Variants in IMPG1 observed in about 807,000 individuals in gnomAD.
IMPG1 encodes interphotoreceptor matrix proteoglycan of 150 kDa.
Under a neutral mutation model 92.0 loss-of-function variants are expected in IMPG1, and 85 were observed. The ratio of observed to expected loss-of-function variants is 0.92; its 90% CI spans 0.78 to 1.11. The LOEUF (loss-of-function observed/expected upper bound fraction) is 1.11. Ranked by LOEUF, IMPG1 falls within the 50% of genes least tolerant of loss-of-function variation. The probability of loss-of-function intolerance (pLI) is 0.00; values close to 1 mark genes in which losing one functional copy is unlikely to be tolerated. For synonymous variants in IMPG1, 367 were observed against 334.1 expected, an observed-to-expected ratio of 1.10 and a Z score of -1.08; for missense variants, 1,022 against 956.0, an observed-to-expected ratio of 1.07 and a Z score of -0.91.
At chr6:76,042,574 C>T (rs1041690380) in intron 1 of IMPG1, among the ~76,000 whole-genome samples, 1 of 152,170 alleles carries the variant, frequency 6.6e-6, no homozygotes, top group African/African-American at 2.4e-5. Context: ...ACAAAATAAC[C>T]TTCCTGCCTA....
At chr6:75,977,340 C>A (rs1202810970) in intron 12 of IMPG1, among the ~76,000 whole-genome samples, 1 of 152,130 alleles carries the variant, frequency 6.6e-6, no homozygotes, top group Non-Finnish European at 1.5e-5. Flanking sequence ...GTAATCCCAG[C>A]ACTTTAGGAG....
intron 14 of IMPG1, among the ~76,000 whole-genome samples, chr6:75,942,639 G>A (rs928452321): frequency 6.6e-6 from 1 of 152,086 alleles, no homozygotes; most frequent in African/African-American, 2.4e-5. Context: ...GTTGTACTAG[G>A]GACATTTTAA....
chr6:75,950,916 G>T lies in IMPG1; in HGVS notation c.1470C>A (p.Ser490Arg). 1 of 1,613,948 alleles carries T rather than the reference G, an allele frequency of 6.2e-7. No individual in the cohort carries two copies. The highest frequency in any genetic ancestry group is 8.5e-7 in the Non-Finnish European group (1 of 1,179,936). Reference protein sequence around the residue: ...TIPTSDYSAISQLALGISHPP... With the variant: ...TIPTSDYSAIRQLALGISHPP... ...GATGTGAAATTCCCAGAGCCAGTTG[G>T]CTGATTGCAGAATAATCACTGGTGG... Residue 490 changes from serine (S) to arginine (R), a missense_variant, in exon 13 of 17, where the codon AGC becomes AGA. Ser to Arg is a moderately radical substitution (Grantham distance 110). Transcript: ENST00000369950.
intron 12 of IMPG1, among the ~76,000 whole-genome samples, chr6:75,977,316 G>A (rs921344310): frequency 6.6e-6 from 1 of 152,088 alleles, no homozygotes; most frequent in Non-Finnish European, 1.5e-5. Flanking sequence ...CGCCAGGCGC[G>A]GTGGCTCACG....
At chr6:75,970,611 C>A (rs1782396127) in intron 12 of IMPG1, among the ~76,000 whole-genome samples, 1 of 152,154 alleles carries the variant, frequency 6.6e-6, no homozygotes, top group African/African-American at 2.4e-5. Context: ...TGGAAAAGAG[C>A]CCATTCATGT....
intron 12 of IMPG1, among the ~76,000 whole-genome samples, chr6:75,985,910 C>T (rs918283960): frequency 6.6e-6 from 1 of 152,166 alleles, no homozygotes; most frequent in Non-Finnish European, 1.5e-5. Flanking sequence ...TATATGAAGT[C>T]TCACATTGCC....
chr6:75,973,142 T>G (rs1782450558), intron 12 of IMPG1, among the ~76,000 whole-genome samples: 1 of 150,748 alleles, frequency 6.6e-6, no homozygotes, highest in Non-Finnish European at 1.5e-5. Context: ...CATGCCTGGC[T>G]AATTTTAAAA....
intron 13 of IMPG1, among the ~76,000 whole-genome samples, chr6:75,947,747 G>T (rs9360964): frequency 0.14 from 21,551 of 151,850 alleles, 1,671 homozygotes; most frequent in South Asian, 0.21. Context: ...TTCTATCTGT[G>T]TATTGAGATG....
chr6:76,032,715 C>G (rs1194963831), intron 4 of IMPG1, among the ~76,000 whole-genome samples: 1 of 152,118 alleles, frequency 6.6e-6, no homozygotes, highest in East Asian at 1.9e-4. Context: ...GGGATTCCAC[C>G]TGGAGCTTCA....
intron 1 of IMPG1, among the ~76,000 whole-genome samples, chr6:76,043,360 T>C (rs1783876905): frequency 6.6e-6 from 1 of 152,176 alleles, no homozygotes; most frequent in Non-Finnish European, 1.5e-5. Context: ...CCAAGCAGGA[T>C]AGCTGAAGAG....
rs1263787839 is a variant in IMPG1 at position 75,957,410 on chromosome 6, AG to A, written c.1292-6317del. Among the ~76,000 whole-genome samples, 5 of 152,202 alleles carry A rather than the reference AG, an allele frequency of 3.3e-5. No individual in the cohort carries two copies. The East Asian group carries it at 5.8e-4, about 18-fold the overall frequency. On this transcript the variant is annotated intron_variant, in intron 12 of 16. Coordinates refer to ENST00000369950, the MANE Select transcript of IMPG1 (RefSeq NM_001563.4). ...GTTGACTTGGGGTGGAGAGTTCTGTAGATGTCTATTAGGTCCGCTTGACCCA... is the reference window on the plus strand; with the variant it reads ...GTTGACTTGGGGTGGAGAGTTCTGTAATGTCTATTAGGTCCGCTTGACCCA...
At chr6:76,051,340 C>T (rs1179474984) in intron 1 of IMPG1, among the ~76,000 whole-genome samples, 1 of 152,134 alleles carries the variant, frequency 6.6e-6, no homozygotes, top group Admixed American at 6.5e-5. Context: ...ACAAATTATG[C>T]AGGTTTTCTG....
At chr6:76,013,049 C>T (rs899923244) in intron 7 of IMPG1, among the ~76,000 whole-genome samples, 2 of 152,148 alleles carry the variant, frequency 1.3e-5, no homozygotes, top group African/African-American at 4.8e-5. Context: ...ATCCCTACTC[C>T]TGCACTGCTG....
At chr6:75,958,841 G>T (rs1782169903) in intron 12 of IMPG1, among the ~76,000 whole-genome samples, 1 of 151,954 alleles carries the variant, frequency 6.6e-6, no homozygotes, top group African/African-American at 2.4e-5. Context: ...GCTTGGAGGA[G>T]TTTGTTATTA....
intron 14 of IMPG1, among the ~76,000 whole-genome samples, chr6:75,939,871 C>G (rs923895687): frequency 1.9e-4 from 29 of 152,158 alleles, no homozygotes; most frequent in African/African-American, 5.6e-4. Flanking sequence ...AGGTAGACAG[C>G]CTGTGCTGAC....
chr6:76,006,181 T>C (rs1783093900), intron 9 of IMPG1, among the ~76,000 whole-genome samples: 1 of 152,032 alleles, frequency 6.6e-6, no homozygotes, highest in Non-Finnish European at 1.5e-5. Flanking sequence ...TATTGACCAC[T>C]ATTTTTTGTG....
At chr6:76,013,764 C>T (rs1783232753) in intron 7 of IMPG1, among the ~76,000 whole-genome samples, 1 of 152,178 alleles carries the variant, frequency 6.6e-6, no homozygotes, top group Non-Finnish European at 1.5e-5. Flanking sequence ...AAATTCACTA[C>T]CATTCCACTG....
At chr6:76,067,175 A>G (rs1784323305) in intron 1 of IMPG1, among the ~76,000 whole-genome samples, 1 of 152,054 alleles carries the variant, frequency 6.6e-6, no homozygotes, top group Non-Finnish European at 1.5e-5. Flanking sequence ...GAAGTAAATA[A>G]ATAACAAACA....
chr6:75,976,393 C>G (rs1331881230), intron 12 of IMPG1, among the ~76,000 whole-genome samples: 1 of 152,096 alleles, frequency 6.6e-6, no homozygotes, highest in Non-Finnish European at 1.5e-5. Flanking sequence ...GAAACCACGT[C>G]TCTACCAAAA....
Sources: allele counts gnomAD v4.1 joint callset (sites outside exome capture counted in the v4.1 genomes callset), GRCh38; gene constraint gnomAD v4.1.1; transcripts MANE v1.5; gene names NCBI Gene and HGNC (gene_info 2026-07-23, HGNC 2026-07-21).